Variants in NR3C2 observed in about 807,000 individuals in gnomAD.
The protein encoded by NR3C2 is mineralocorticoid receptor.
In NR3C2, 15 loss-of-function variants were observed where a neutral mutation model predicts 86.4. The ratio of observed to expected loss-of-function variants is 0.17; its 90% CI spans 0.12 to 0.27. The LOEUF (loss-of-function observed/expected upper bound fraction) is 0.27, where lower values mean the gene tolerates loss of function less well. Ranked by LOEUF, NR3C2 falls within the 10% of genes least tolerant of loss-of-function variation. The pLI, the probability that NR3C2 is intolerant of heterozygous loss-of-function variation, is 1.00. For synonymous variants in NR3C2, 458 were observed against 450.5 expected (o/e 1.02, Z -0.21); for missense variants, 960 against 1,195.6 (o/e 0.80, Z 2.91).
intron 4 of NR3C2, among the ~76,000 whole-genome samples, chr4:148,166,247 T>C (rs780323865): frequency 5.3e-5 from 8 of 152,208 alleles, no homozygotes; most frequent in Non-Finnish European, 1.0e-4. Flanking sequence ...TTGCTTCTCC[T>C]GTTTGGATTC....
At position 148,294,129 on chromosome 4, in the gene NR3C2, G is replaced by A. The variant is rs368509488; in HGVS notation, c.1758-34012C>T. ...AGCACTATCTCCATGGGCAAAAGGA[G>A]CTAGGTTCGAATTGCATTTTTTCCA... On this transcript the variant is annotated intron_variant, in intron 2 of 8. Coordinates refer to ENST00000358102, the MANE Select transcript of NR3C2 (RefSeq NM_000901.5). 2.0e-5 allele frequency among the ~76,000 whole-genome samples: 3 copies of A among 152,280 alleles called. No homozygotes were observed. The East Asian group carries it at 5.8e-4, about 29-fold the overall frequency.
At chr4:148,318,337 T>C (rs989142272) in intron 2 of NR3C2, among the ~76,000 whole-genome samples, 2 of 151,924 alleles carry the variant, frequency 1.3e-5, no homozygotes, top group African/African-American at 4.8e-5. Context: ...AATAAACATA[T>C]GTGTCCATGT....
At chr4:148,216,003 T>A (rs1251003484) in intron 3 of NR3C2, among the ~76,000 whole-genome samples, 1 of 152,100 alleles carries the variant, frequency 6.6e-6, no homozygotes, top group Non-Finnish European at 1.5e-5. Flanking sequence ...TTAGCCAGGA[T>A]GGTCGTGATC....
chr4:148,135,212 T>TAGTA (rs1733243419), intron 6 of NR3C2, among the ~76,000 whole-genome samples: 1 of 152,180 alleles, frequency 6.6e-6, no homozygotes, highest in Admixed American at 6.5e-5. Flanking sequence ...GTCAATGTGC[T>TAGTA]AGTAAGAGGT....
intron 6 of NR3C2, among the ~76,000 whole-genome samples, chr4:148,148,298 A>AT (rs1267612730): frequency 6.6e-6 from 1 of 152,096 alleles, no homozygotes; most frequent in Non-Finnish European, 1.5e-5. Flanking sequence ...ATTACTAGCA[A>AT]TTCTTGTTGA....
At chr4:148,126,451 T>C (rs1304470075) in intron 6 of NR3C2, among the ~76,000 whole-genome samples, 2 of 152,234 alleles carry the variant, frequency 1.3e-5, no homozygotes, top group African/African-American at 4.8e-5. Context: ...TTTTAAATTA[T>C]TTCTATATAG....
At chr4:148,432,974 C>G in intron 2 of NR3C2, among the ~76,000 whole-genome samples, 1 of 152,196 alleles carries the variant, frequency 6.6e-6, no homozygotes, top group East Asian at 1.9e-4. Flanking sequence ...TGGCACAAAA[C>G]TAGTATGTAT....
At chr4:148,285,028 T>C (rs1741443858) in intron 2 of NR3C2, among the ~76,000 whole-genome samples, 1 of 152,172 alleles carries the variant, frequency 6.6e-6, no homozygotes, top group African/African-American at 2.4e-5. Flanking sequence ...GCCAATTCTC[T>C]TGGTATCTCT....
Position 148,080,974 on chromosome 4 carries a change from G to A in NR3C2, c.*370C>T. The A allele has an allele frequency of 2.9e-6, 1 of 340,864 alleles. No individual in the cohort carries two copies. The highest frequency in any genetic ancestry group is 2.5e-5 in the South Asian group (1 of 40,084). 21.1% of individuals were successfully genotyped at this position (340,864 alleles called of 1,614,324 possible). Reference sequence around the variant, plus strand: ...AGGGTAAGCTTTAAAACGTTCGTTAGTCCTTGAACCCTTTTAAAACAAGCG... The same window carrying A: ...AGGGTAAGCTTTAAAACGTTCGTTAATCCTTGAACCCTTTTAAAACAAGCG... On this transcript the variant is annotated 3_prime_UTR_variant, in exon 9 of 9. Coordinates refer to ENST00000358102, the MANE Select transcript of NR3C2 (RefSeq NM_000901.5).
At chr4:148,178,340 C>A (rs903486221) in intron 4 of NR3C2, among the ~76,000 whole-genome samples, 1 of 151,790 alleles carries the variant, frequency 6.6e-6, no homozygotes, top group African/African-American at 2.4e-5. Flanking sequence ...GGAAAAAAGC[C>A]TTCAGTAGTT....
At chr4:148,406,701 C>CT (rs1356505851) in intron 2 of NR3C2, among the ~76,000 whole-genome samples, 1 of 152,140 alleles carries the variant, frequency 6.6e-6, no homozygotes, top group Non-Finnish European at 1.5e-5. Flanking sequence ...AAGAATCTGA[C>CT]TGATAGGATC....
chr4:148,102,061 T>G (rs910657031), intron 8 of NR3C2, among the ~76,000 whole-genome samples: 1 of 152,162 alleles, frequency 6.6e-6, no homozygotes, highest in Non-Finnish European at 1.5e-5. Context: ...TTCTGCAGCT[T>G]CTTCCCCTCA....
intron 3 of NR3C2, among the ~76,000 whole-genome samples, chr4:148,220,902 A>C (rs1158445229): frequency 6.6e-6 from 1 of 152,260 alleles, no homozygotes; most frequent in Non-Finnish European, 1.5e-5. Context: ...GGTGCAACAC[A>C]CAAGGTTTTT....
In NR3C2 at chr4:148,160,842, T is replaced by TGG. The variant is rs548781755; in HGVS notation, c.2015-5943_2015-5942dup. 9.8e-5 allele frequency among the ~76,000 whole-genome samples: 15 copies of TGG among 152,296 alleles called. No homozygotes were observed. In the South Asian group the frequency reaches 1.9e-3, roughly 19 times the overall value. On this transcript the variant is annotated intron_variant, in intron 4 of 8. Coordinates refer to ENST00000358102, the MANE Select transcript of NR3C2 (RefSeq NM_000901.5). Reference sequence around the variant, plus strand: ...CCATTTCTCCCGTCACCCTCATACATGGGGCACGAATTTCAGCCCAATAAC... The same window carrying TGG: ...CCATTTCTCCCGTCACCCTCATACATGGGGGGCACGAATTTCAGCCCAATAAC...
intron 2 of NR3C2, among the ~76,000 whole-genome samples, chr4:148,433,834 C>G (rs1749911749): frequency 6.6e-6 from 1 of 152,144 alleles, no homozygotes; most frequent in South Asian, 2.1e-4. Context: ...GTTCTGATGG[C>G]AGCCATGCTA....
chr4:148,266,165 C>A (rs1233753699), intron 2 of NR3C2, among the ~76,000 whole-genome samples: 1 of 151,548 alleles, frequency 6.6e-6, no homozygotes, highest in Non-Finnish European at 1.5e-5. Flanking sequence ...CTCCGCCTCC[C>A]GGGTTCAAGC....
intron 6 of NR3C2, among the ~76,000 whole-genome samples, chr4:148,149,659 A>G (rs2149761923): frequency 6.6e-6 from 1 of 152,360 alleles, no homozygotes; most frequent in East Asian, 1.9e-4. Flanking sequence ...CATGTATCTG[A>G]TAAGGGTTTA....
At chr4:148,195,745 G>A (rs1341955472) in intron 3 of NR3C2, among the ~76,000 whole-genome samples, 1 of 152,170 alleles carries the variant, frequency 6.6e-6, no homozygotes, top group Admixed American at 6.5e-5. Context: ...AAGCAAATGT[G>A]GTAGAGAGGA....
At chr4:148,267,863 A>T (rs1170424432) in intron 2 of NR3C2, among the ~76,000 whole-genome samples, 1 of 152,100 alleles carries the variant, frequency 6.6e-6, no homozygotes, top group Non-Finnish European at 1.5e-5. Flanking sequence ...TATTTTCAAT[A>T]CACTTAAAAC....
Sources: allele counts gnomAD v4.1 joint callset (sites outside exome capture counted in the v4.1 genomes callset), GRCh38; gene constraint gnomAD v4.1.1; transcripts MANE v1.5; gene names NCBI Gene and HGNC (gene_info 2026-07-23, HGNC 2026-07-21).